The following PVT1 variants were observed in gnomAD, a reference collection of about 807,000 sequenced individuals.
The protein encoded by PVT1 is Pvt1 oncogene.
At chr8:127,960,943 T>TGGGGG (rs1219833158) in intron 3 of PVT1, among the ~76,000 whole-genome samples, 1 of 27,694 alleles carries the variant, frequency 3.6e-5, no homozygotes, top group African/African-American at 8.5e-5. Flanking sequence ...TGTTTGGGGG[T>TGGGGG]GGGGGGGGCG....
chr8:127,876,069 G>T (rs73710046), intron 2 of PVT1, among the ~76,000 whole-genome samples: 20,466 of 152,202 alleles, frequency 0.13, 1,627 homozygotes, highest in Admixed American at 0.23. Context: ...ACAGAGTTAC[G>T]GGGTTGGGCC....
At chr8:128,041,840 C>G (rs1813549763) in intron 4 of PVT1, among the ~76,000 whole-genome samples, 1 of 152,134 alleles carries the variant, frequency 6.6e-6, no homozygotes, top group South Asian at 2.1e-4. Context: ...TATCTCCTTA[C>G]TTTTTCTGGA....
At chr8:127,877,304 G>A (rs1815417274) in intron 2 of PVT1, among the ~76,000 whole-genome samples, 1 of 152,200 alleles carries the variant, frequency 6.6e-6, no homozygotes, top group African/African-American at 2.4e-5. Flanking sequence ...CCCTTTTCAC[G>A]CTGCTGTTTC....
intron 3 of PVT1, among the ~76,000 whole-genome samples, chr8:127,980,271 G>A (rs1046596724): frequency 4.6e-5 from 7 of 152,060 alleles, no homozygotes; most frequent in South Asian, 2.1e-4. Flanking sequence ...TAAGCTTTAC[G>A]GAAGCACTGT....
intron 4 of PVT1, among the ~76,000 whole-genome samples, chr8:128,001,394 A>AG (rs1175402859): frequency 6.7e-6 from 1 of 149,124 alleles, no homozygotes; most frequent in African/African-American, 2.5e-5. Flanking sequence ...GGCAGTGCTG[A>AG]GGGGGGAAGT....
chr8:128,094,834 GT>G (rs1219111166), intron 5 of PVT1, among the ~76,000 whole-genome samples: 1 of 152,220 alleles, frequency 6.6e-6, no homozygotes, highest in Middle Eastern at 3.2e-3. Flanking sequence ...CAGCAGAGCT[GT>G]GTTTGTCATC....
chr8:127,871,747 T>C (rs1563626579), intron 2 of PVT1, among the ~76,000 whole-genome samples: 1 of 152,336 alleles, frequency 6.6e-6, no homozygotes, highest in East Asian at 1.9e-4. Context: ...TCTGTACTTT[T>C]TTTTCTGATT....
At chr8:127,828,980 AG>A (rs1814821410) in intron 2 of PVT1, among the ~76,000 whole-genome samples, 1 of 152,198 alleles carries the variant, frequency 6.6e-6, no homozygotes. Context: ...GGAGCTACAA[AG>A]GACTCTGTGA....
At chr8:128,023,220 T>G (rs1254774148) in intron 4 of PVT1, among the ~76,000 whole-genome samples, 1 of 152,160 alleles carries the variant, frequency 6.6e-6, no homozygotes, top group Non-Finnish European at 1.5e-5. Flanking sequence ...ATCTCTTTTA[T>G]CACCATGAAA....
chr8:127,855,080 C>T (rs898142632), intron 2 of PVT1: 2 of 398,308 alleles, frequency 5.0e-6, no homozygotes, highest in Non-Finnish European at 8.8e-6. Context: ...TTTTAAACTA[C>T]CCGATTCAAG....
intron 3 of PVT1, among the ~76,000 whole-genome samples, chr8:127,938,684 G>A (rs1040531788): frequency 2.6e-5 from 4 of 152,130 alleles, no homozygotes; most frequent in African/African-American, 9.7e-5. Flanking sequence ...CAGAGGACAT[G>A]GAAGAGAAAG....
At chr8:127,928,695 C>T (rs1816162401) in intron 3 of PVT1, among the ~76,000 whole-genome samples, 1 of 152,208 alleles carries the variant, frequency 6.6e-6, no homozygotes, top group African/African-American at 2.4e-5. Flanking sequence ...CTCTCTGGCC[C>T]TCCTCTGTCT....
intron 5 of PVT1, among the ~76,000 whole-genome samples, chr8:128,085,053 G>C (rs972373058): frequency 6.6e-6 from 1 of 152,172 alleles, no homozygotes; most frequent in East Asian, 1.9e-4. Context: ...TGGGATATAT[G>C]ACTTTTCCTT....
chr8:128,024,202 G>A (rs924375), intron 4 of PVT1, among the ~76,000 whole-genome samples: 2 of 152,112 alleles, frequency 1.3e-5, no homozygotes, highest in East Asian at 1.9e-4. Flanking sequence ...GTGGCCTGCC[G>A]AAGGCTACAC....
chr8:127,978,884 A>G (rs1361826311), intron 3 of PVT1, among the ~76,000 whole-genome samples: 1 of 152,092 alleles, frequency 6.6e-6, no homozygotes, highest in Non-Finnish European at 1.5e-5. Flanking sequence ...TTGAACTCCT[A>G]GACTTAAGCT....
intron 3 of PVT1, among the ~76,000 whole-genome samples, chr8:127,933,776 G>T (rs907424046): frequency 2.6e-5 from 4 of 152,322 alleles, no homozygotes; most frequent in Middle Eastern, 3.4e-3. Flanking sequence ...CTGGGCATAG[G>T]AGCCAGGCAG....
intron 3 of PVT1, among the ~76,000 whole-genome samples, chr8:127,977,616 C>A (rs1360925755): frequency 6.6e-6 from 1 of 152,026 alleles, no homozygotes; most frequent in East Asian, 1.9e-4. Context: ...ATGCCTGTAA[C>A]CCCAGCTACT....
At chr8:128,014,899 T>C (rs1478745689) in intron 4 of PVT1, among the ~76,000 whole-genome samples, 1 of 152,152 alleles carries the variant, frequency 6.6e-6, no homozygotes, top group Non-Finnish European at 1.5e-5. Context: ...GCAATTAGCA[T>C]GCCACAAGCT....
intron 3 of PVT1, among the ~76,000 whole-genome samples, chr8:127,913,804 C>T (rs763219806): frequency 1.8e-4 from 27 of 152,126 alleles, no homozygotes; most frequent in Non-Finnish European, 3.2e-4. Context: ...TAACCTTCCT[C>T]GAAAGTGCCG....
Sources: allele counts gnomAD v4.1 joint callset (sites outside exome capture counted in the v4.1 genomes callset), GRCh38; gene constraint gnomAD v4.1.1; transcripts MANE v1.5; gene names NCBI Gene and HGNC (gene_info 2026-07-23, HGNC 2026-07-21).